MRPL42: variants seen among roughly 807,000 people sequenced by gnomAD.
MRPL42 encodes the protein large ribosomal subunit protein mL42.
In MRPL42, 17 loss-of-function variants were observed where a neutral mutation model predicts 17.9. That is an observed-to-expected ratio of 0.95 (90% confidence interval 0.65 to 1.42). The LOEUF (loss-of-function observed/expected upper bound fraction) is 1.42. MRPL42 is among the 40% of genes most tolerant of loss of function. The pLI, the probability that MRPL42 is intolerant of heterozygous loss-of-function variation, is 0.00. For synonymous variants in MRPL42, 59 were observed against 54.4 expected (o/e 1.08, Z -0.37); for missense variants, 177 against 175.2 (o/e 1.01, Z -0.06).
intron 4 of MRPL42, among the ~76,000 whole-genome samples, chr12:93,483,699 G>A (rs1416096756): frequency 6.6e-6 from 1 of 151,856 alleles, no homozygotes; most frequent in African/African-American, 2.4e-5. Context: ...AACAAACACT[G>A]TATGCTTAGG....
At position 93,487,648 on chromosome 12, in the gene MRPL42, A is replaced by G; in HGVS notation, c.371A>G (p.Tyr124Cys). ...KMFFTTKHRW[Y>C]PHGRYHRCRK... Reference sequence around the variant, plus strand: ...TTCTTTACTACTAAGCACCGTTGGTATCCTCATGGACGGTAAGTTTTCTTT... The same window carrying G: ...TTCTTTACTACTAAGCACCGTTGGTGTCCTCATGGACGGTAAGTTTTCTTT... Residue 124 changes from tyrosine to cysteine, a missense_variant, in exon 5 of 6, where the codon TAT becomes TGT. Physicochemically the swap from Tyr to Cys is radical, Grantham distance 194. Transcript: ENST00000549982. 2 of 1,611,572 alleles carry G rather than the reference A, an allele frequency of 1.2e-6. No homozygotes were observed. The highest frequency in any genetic ancestry group is 1.7e-6 in the Non-Finnish European group (2 of 1,178,364).
Position 93,504,661 on chromosome 12 carries a change from T to G in MRPL42, c.*3440T>G, listed in dbSNP as rs998710688. 6.6e-6 allele frequency: 1 copy of G among 152,178 alleles called. No individual in the cohort carries two copies. Among genetic ancestry groups the G allele is most frequent in the African/African-American group, 2.4e-5 (1 of 41,444 alleles). 9.4% of individuals were successfully genotyped at this position (152,178 alleles called of 1,614,324 possible). ...GGCCTTATTATGGGCTTATTTCCTT[T>G]GCAGCCCTTTACCATAATGTGTTTC... On this transcript the variant is annotated 3_prime_UTR_variant, in exon 6 of 6. Transcript: ENST00000549982.
intron 4 of MRPL42, among the ~76,000 whole-genome samples, chr12:93,486,973 T>C (rs534062737): frequency 1.3e-5 from 2 of 151,490 alleles, no homozygotes; most frequent in African/African-American, 4.8e-5. Flanking sequence ...CTTTCTATTT[T>C]TCTTTCTCTT....
chr12:93,488,796 T>C (rs576564854), intron 5 of MRPL42, among the ~76,000 whole-genome samples: 70 of 152,304 alleles, frequency 4.6e-4, no homozygotes, highest in African/African-American at 1.6e-3. Context: ...CTTTTGTATC[T>C]ATCTTCTTCC....
In MRPL42 at chr12:93,510,669, G is replaced by A. The variant is rs988930683; in HGVS notation, c.*9448G>A. On this transcript the variant is annotated 3_prime_UTR_variant, in exon 6 of 6. Transcript: ENST00000549982. Reference sequence around the variant, plus strand: ...TGTGTAGTGGTGTCTCACTTGTTTTGTGTTTTTCTCTGCTCAGACAGCTCA... The same window carrying A: ...TGTGTAGTGGTGTCTCACTTGTTTTATGTTTTTCTCTGCTCAGACAGCTCA... 3 of 152,088 alleles carry A rather than the reference G, an allele frequency of 2.0e-5. No individual in the cohort carries two copies. The highest frequency in any genetic ancestry group is 2.9e-5 in the Non-Finnish European group (2 of 68,000). The allele number at this position is 152,088 out of a possible 1,614,324, so 9.4% of individuals were successfully genotyped here.
chr12:93,471,716 T>A (rs57811986), intron 2 of MRPL42, among the ~76,000 whole-genome samples: 2,977 of 152,274 alleles, frequency 0.02, 76 homozygotes, highest in African/African-American at 0.063. Context: ...CAAAGTAAAA[T>A]CAACTTAGAA....
intron 5 of MRPL42, among the ~76,000 whole-genome samples, chr12:93,490,842 T>C (rs1161042038): frequency 6.6e-6 from 1 of 152,254 alleles, no homozygotes; most frequent in Non-Finnish European, 1.5e-5. Flanking sequence ...TATAACTTCT[T>C]CTTAAATAAG....
Position 93,503,612 on chromosome 12 carries a change from G to A in MRPL42, c.*2391G>A, listed in dbSNP as rs1250331632. On this transcript the variant is annotated 3_prime_UTR_variant, in exon 6 of 6. Transcript: ENST00000549982. ...TTGCCCAGGCTGGTCTTGAACTCCT[G>A]GGCTCAAAGCGATCCACCCACCTTG... 1 of 151,680 alleles carries A rather than the reference G, an allele frequency of 6.6e-6. No homozygotes were observed. The highest frequency in any genetic ancestry group is 1.5e-5 in the Non-Finnish European group (1 of 67,988). 9.4% of individuals were successfully genotyped at this position (151,680 alleles called of 1,614,324 possible).
rs1262346652 is a variant in MRPL42 at position 93,510,163 on chromosome 12, T to C, written c.*8942T>C. The C allele has an allele frequency of 1.3e-5, 2 of 152,358 alleles. No individual in the cohort carries two copies. Among genetic ancestry groups the C allele is most frequent in the South Asian group, 2.1e-4 (1 of 4,836 alleles). The allele number at this position is 152,358 out of a possible 1,614,324, so 9.4% of individuals were successfully genotyped here. A position where few individuals can be genotyped will look rare whatever the true frequency, so the allele number is the denominator to read the frequency against. On this transcript the variant is annotated 3_prime_UTR_variant, in exon 6 of 6. Coordinates refer to ENST00000549982, the MANE Select transcript of MRPL42 (RefSeq NM_014050.4). ...TCACTGTCTCCGTAAGTTTTTCCTT[T>C]TTCAGAACGCCATATAGTTGGAATC...
intron 5 of MRPL42, among the ~76,000 whole-genome samples, chr12:93,492,715 T>C (rs1472247319): frequency 1.3e-5 from 2 of 152,284 alleles, no homozygotes; most frequent in Non-Finnish European, 2.9e-5. Context: ...AGACTGAAAA[T>C]GTTTGAGACT....
chr12:93,495,474 A>G (rs996479127), intron 5 of MRPL42, among the ~76,000 whole-genome samples: 5 of 152,134 alleles, frequency 3.3e-5, no homozygotes, highest in Admixed American at 6.6e-5. Context: ...GGCTCAAGCA[A>G]TCTGTCCACC....
Position 93,479,486 on chromosome 12 carries a change from A to G in MRPL42, c.219+14A>G, listed in dbSNP as rs1243472561. On this transcript the variant is annotated intron_variant, in intron 4 of 5. Coordinates refer to ENST00000549982, the MANE Select transcript of MRPL42 (RefSeq NM_014050.4). Reference sequence around the variant, plus strand: ...GAACACACAAAAGTATGTATGAGAAAATTTCTTGCAGTTTTTAATTTGCTG... The same window carrying G: ...GAACACACAAAAGTATGTATGAGAAGATTTCTTGCAGTTTTTAATTTGCTG... The G allele has an allele frequency of 6.4e-7, 1 of 1,574,430 alleles. No individual in the cohort carries two copies. The highest frequency in any genetic ancestry group is 1.4e-5 in the African/African-American group (1 of 74,002).
intron 5 of MRPL42, among the ~76,000 whole-genome samples, chr12:93,489,232 C>T (rs1357277291): frequency 6.6e-6 from 1 of 151,844 alleles, no homozygotes; most frequent in Non-Finnish European, 1.5e-5. Context: ...AGGAGTTAAC[C>T]CATGGAGAAT....
intron 4 of MRPL42, among the ~76,000 whole-genome samples, chr12:93,485,022 AT>A (rs1405073042): frequency 7.6e-6 from 1 of 131,612 alleles, no homozygotes; most frequent in Non-Finnish European, 1.6e-5. Context: ...ATATATATAT[AT>A]ATATAAACAG....
At chr12:93,497,461 CAG>C (rs1213410489) in intron 5 of MRPL42, among the ~76,000 whole-genome samples, 2 of 152,034 alleles carry the variant, frequency 1.3e-5, no homozygotes, top group African/African-American at 4.8e-5. Context: ...ATCATATAAA[CAG>C]AATTAAAAAC....
intron 3 of MRPL42, among the ~76,000 whole-genome samples, chr12:93,478,322 A>C (rs925388650): frequency 6.6e-6 from 1 of 151,578 alleles, no homozygotes; most frequent in Admixed American, 6.6e-5. Flanking sequence ...ATGTCAGCTC[A>C]TTGCAGCCTC....
rs764470277 is a variant in MRPL42 at position 93,504,924 on chromosome 12, C to T, written c.*3703C>T. Reference sequence around the variant, plus strand: ...CACTGTTTCTACCGCCTAACATTGCCTAGCACATTCATTGCTTCACAGGCA... The same window carrying T: ...CACTGTTTCTACCGCCTAACATTGCTTAGCACATTCATTGCTTCACAGGCA... On this transcript the variant is annotated 3_prime_UTR_variant, in exon 6 of 6. Coordinates refer to ENST00000549982, the MANE Select transcript of MRPL42 (RefSeq NM_014050.4). 13 of 152,182 alleles carry T rather than the reference C, an allele frequency of 8.5e-5. No individual in the cohort carries two copies. The highest frequency in any genetic ancestry group is 1.9e-4 in the Non-Finnish European group (13 of 68,046). The allele number at this position is 152,182 out of a possible 1,614,324, so 9.4% of individuals were successfully genotyped here.
At chr12:93,487,451 T>C in intron 4 of MRPL42, 46 bp from the exon 5 acceptor site, 1 of 1,538,754 alleles carries the variant, frequency 6.5e-7, no homozygotes, top group South Asian at 1.2e-5. Context: ...AAATGCTGGC[T>C]AACATTCCCA....
intron 4 of MRPL42, among the ~76,000 whole-genome samples, chr12:93,485,012 A>G (rs1476169381): frequency 8.1e-6 from 1 of 124,082 alleles, no homozygotes; most frequent in East Asian, 2.7e-4. Flanking sequence ...ATATATATAT[A>G]TATATATATA....
Sources: gnomAD v4.1 joint callset for allele counts (sites outside exome capture counted in the v4.1 genomes callset) on GRCh38, gnomAD v4.1.1 for gene constraint, MANE v1.5 for transcripts, NCBI Gene and HGNC (gene_info 2026-07-23, HGNC 2026-07-21) for gene names.